The following LYRM7 variants were observed in gnomAD, a reference collection of about 807,000 sequenced individuals.
LYRM7 encodes LYR motif containing 7.
LYRM7 carries 9 observed loss-of-function variants against 15.8 expected under a neutral mutation model. The ratio of observed to expected loss-of-function variants is 0.57; its 90% confidence interval spans 0.34 to 0.99. The LOEUF (loss-of-function observed/expected upper bound fraction) is 0.99, where lower values mean the gene tolerates loss of function less well. LYRM7 is among the 50% of genes least tolerant of loss of function. The probability of loss-of-function intolerance (pLI) is 0.02; values close to 1 mark genes in which losing one functional copy is unlikely to be tolerated. For synonymous variants in LYRM7, 39 were observed against 39.4 expected (o/e 0.99, Z 0.04); for missense variants, 115 against 119.1 (o/e 0.97, Z 0.16).
chr5:131,173,636 C>T (rs777377684), intron 1 of LYRM7, among the ~76,000 whole-genome samples: 1 of 152,180 alleles, frequency 6.6e-6, no homozygotes, highest in Non-Finnish European at 1.5e-5. Flanking sequence ...CCCAGCTACG[C>T]TACTCAGGAG....
chr5:131,188,304 A>T (rs1755830011), intron 4 of LYRM7, among the ~76,000 whole-genome samples: 2 of 152,030 alleles, frequency 1.3e-5, no homozygotes, highest in African/African-American at 2.4e-5. Context: ...AGACTATGGA[A>T]GTATAACATA....
chr5:131,186,840 A>G (rs1755802018), intron 3 of LYRM7, among the ~76,000 whole-genome samples, 188 bp from the exon 4 acceptor site: 2 of 152,182 alleles, frequency 1.3e-5, no homozygotes, highest in African/African-American at 2.4e-5. Context: ...CTTATACATT[A>G]TTTATTTTGG....
At chr5:131,197,846 C>CTGTG (rs56146861) in intron 4 of LYRM7, among the ~76,000 whole-genome samples, 1,965 of 143,362 alleles carry the variant, frequency 0.014, 19 homozygotes, top group Middle Eastern at 0.034. Flanking sequence ...CATCTGGCCA[C>CTGTG]TGTGTGTGTG....
intron 1 of LYRM7, among the ~76,000 whole-genome samples, chr5:131,175,677 A>G (rs1755591098): frequency 1.3e-5 from 2 of 151,682 alleles, no homozygotes; most frequent in Admixed American, 1.3e-4. Flanking sequence ...TAGGACTACA[A>G]GCACCCTCCA....
In LYRM7 at chr5:131,194,767, T is replaced by C. The variant is rs574831469; in HGVS notation, c.245-4764T>C. ...GGCACCCCACGAGAGAGCAGCAGTTTTTATCATTAGCCTATTTCTGTGGTA... is the reference window on the plus strand; with the variant it reads ...GGCACCCCACGAGAGAGCAGCAGTTCTTATCATTAGCCTATTTCTGTGGTA... On this transcript the variant is annotated intron_variant, in intron 4 of 4. Transcript: ENST00000379380. 7.2e-5 allele frequency among the ~76,000 whole-genome samples: 11 copies of C among 152,296 alleles called. No homozygotes were observed. The East Asian group carries it at 2.1e-3, about 29-fold the overall frequency.
intron 1 of LYRM7, among the ~76,000 whole-genome samples, chr5:131,179,657 C>T (rs1464087935): frequency 1.3e-5 from 2 of 151,582 alleles, no homozygotes; most frequent in Non-Finnish European, 2.9e-5. Context: ...ATATTTTGGC[C>T]GGGTGCAGTG....
intron 2 of LYRM7, among the ~76,000 whole-genome samples, chr5:131,180,638 T>A (rs192930027): frequency 6.6e-6 from 1 of 152,338 alleles, no homozygotes. Context: ...ACTTAGGTTC[T>A]GTGTTATTCA....
chr5:131,178,789 G>A (rs1025002996), intron 1 of LYRM7, among the ~76,000 whole-genome samples: 3 of 151,926 alleles, frequency 2.0e-5, no homozygotes, highest in African/African-American at 4.8e-5. Context: ...GTGAAACCCC[G>A]TGTCTACTAA....
At position 131,176,123 on chromosome 5, in the gene LYRM7, C is replaced by T. The variant is rs144641353; in HGVS notation, c.19-3972C>T. ...AAGGATATTTCACATTTTACTTCCC[C>T]GTTCATGAGTTCATGGACATTTAGG... On this transcript the variant is annotated intron_variant, in intron 1 of 4. Transcript: ENST00000379380. Among the ~76,000 whole-genome samples, 544 of 152,310 alleles carry T rather than the reference C, an allele frequency of 3.6e-3. 4 individuals are homozygous for T. The highest frequency in any genetic ancestry group is 0.012 in the African/African-American group (514 of 41,566).
chr5:131,174,894 G>A (rs768960992), intron 1 of LYRM7, among the ~76,000 whole-genome samples: 2 of 152,066 alleles, frequency 1.3e-5, no homozygotes, highest in Non-Finnish European at 2.9e-5. Flanking sequence ...TGACCTGCGG[G>A]GCTGCAAAAT....
intron 1 of LYRM7, among the ~76,000 whole-genome samples, chr5:131,172,684 A>G (rs747645974): frequency 1.3e-4 from 20 of 152,342 alleles, no homozygotes; most frequent in Admixed American, 2.0e-4. Flanking sequence ...AAGGGTGACA[A>G]CAAGATCCTA....
intron 3 of LYRM7, among the ~76,000 whole-genome samples, chr5:131,184,650 G>A (rs896745792): frequency 6.7e-6 from 1 of 150,254 alleles, no homozygotes; most frequent in African/African-American, 2.5e-5. Flanking sequence ...CGGGGGGGGG[G>A]TTCCAGGATT....
intron 2 of LYRM7, among the ~76,000 whole-genome samples, chr5:131,181,375 ATATATAATATAT>A (rs1755699305): frequency 1.1e-5 from 1 of 87,756 alleles, no homozygotes; most frequent in African/African-American, 7.1e-5. Flanking sequence ...ATATATATGT[ATATATAATATAT>A]ACATATATAT....
intron 4 of LYRM7, among the ~76,000 whole-genome samples, chr5:131,191,908 A>G (rs571769097): frequency 7.9e-5 from 12 of 152,248 alleles, no homozygotes; most frequent in African/African-American, 2.6e-4. Context: ...ATCCAAAGGA[A>G]AGGAAATCAC....
In LYRM7 at chr5:131,182,491, A is replaced by G. The variant is rs376223698; in HGVS notation, c.162+192A>G. Among the ~76,000 whole-genome samples, 32 of 152,274 alleles carry G rather than the reference A, an allele frequency of 2.1e-4. No individual in the cohort carries two copies. The East Asian group carries it at 4.4e-3, about 21-fold the overall frequency. ...CATCTGCCGACACCAAAATACAGCA[A>G]GGTACCCCATCAACAGAACATGGAA... On this transcript the variant is annotated intron_variant, in intron 3 of 4. Coordinates refer to ENST00000379380, the MANE Select transcript of LYRM7 (RefSeq NM_181705.4).
chr5:131,181,381 A>ATAATAT (rs552588384), intron 2 of LYRM7, among the ~76,000 whole-genome samples: 3 of 76,474 alleles, frequency 3.9e-5, no homozygotes, highest in African/African-American at 9.0e-5. Flanking sequence ...ATGTATATAT[A>ATAATAT]ATATATACAT....
At chr5:131,199,476 C>A (rs963394704) in intron 4 of LYRM7, 55 bp from the exon 5 acceptor site, 20 of 1,219,288 alleles carry the variant, frequency 1.6e-5, no homozygotes, top group Admixed American at 4.5e-5. Context: ...AGTGTCCTTG[C>A]ATTTAATTCT....
chr5:131,186,433 G>C (rs1284017480), intron 3 of LYRM7, among the ~76,000 whole-genome samples: 27 of 152,108 alleles, frequency 1.8e-4, no homozygotes, highest in Admixed American at 1.8e-3. Context: ...AGTTGGAATG[G>C]TTATAAAAAG....
intron 1 of LYRM7, 54 bp downstream of exon 1, chr5:131,171,092 C>A: frequency 6.8e-7 from 1 of 1,472,286 alleles, no homozygotes; most frequent in Non-Finnish European, 8.9e-7. Context: ...GGTATGTTCG[C>A]GTCCTTGAGA....
Sources: gnomAD v4.1 joint callset for allele counts (sites outside exome capture counted in the v4.1 genomes callset) on GRCh38, gnomAD v4.1.1 for gene constraint, MANE v1.5 for transcripts, NCBI Gene and HGNC (gene_info 2026-07-23, HGNC 2026-07-21) for gene names.